The following RAI14 variants were observed in gnomAD, a reference collection of about 807,000 sequenced individuals.
RAI14 encodes ankycorbin.
Under a neutral mutation model 115.4 loss-of-function variants are expected in RAI14, and 45 were observed. The observed-to-expected ratio is 0.39, with a 90% confidence interval of 0.31 to 0.50. The LOEUF is 0.50. RAI14 is among the 20% of genes least tolerant of loss of function. The pLI is 0.85. For synonymous variants in RAI14, 371 were observed against 415.4 expected (o/e 0.89, Z 1.30); for missense variants, 939 against 1,131.2 (o/e 0.83, Z 2.44).
Position 34,755,154 on chromosome 5 carries a change from T to TGCACTG in RAI14, c.37-2314_37-2313insGCACTG, listed in dbSNP as rs879340812. ...TAAGCTGCACTGTGTTTCTTGGGGC[T>TGCACTG]TGATCATTTGCTGTAGTTGTTTGTA... is the stretch of plus-strand genomic sequence containing the variant. On this transcript the variant is annotated intron_variant, in intron 2 of 17. Coordinates refer to ENST00000265109, the MANE Select transcript of RAI14 (RefSeq NM_015577.3). 6.3e-3 allele frequency among the ~76,000 whole-genome samples: 961 copies of TGCACTG among 152,310 alleles called. 5 individuals are homozygous for TGCACTG. The highest frequency in any genetic ancestry group is 0.01 in the Non-Finnish European group (702 of 68,006).
At chr5:34,782,740 A>G (rs1234272499) in intron 3 of RAI14, among the ~76,000 whole-genome samples, 1 of 152,180 alleles carries the variant, frequency 6.6e-6, no homozygotes, top group African/African-American at 2.4e-5. Flanking sequence ...AACTTTTGCC[A>G]TATTCCTTAT....
At chr5:34,658,941 A>G (rs1281365300) in intron 1 of RAI14, 1 of 152,138 alleles carries the variant, frequency 6.6e-6, no homozygotes, top group Non-Finnish European at 1.5e-5. Context: ...CCCCGGAAAA[A>G]TAAACTATAA....
intron 3 of RAI14, among the ~76,000 whole-genome samples, chr5:34,786,267 T>C (rs1163029154): frequency 6.6e-6 from 1 of 152,212 alleles, no homozygotes; most frequent in East Asian, 1.9e-4. Flanking sequence ...TAAATCACCC[T>C]CTTGTCTAGC....
intron 3 of RAI14, among the ~76,000 whole-genome samples, chr5:34,788,022 TC>T (rs1334848881): frequency 6.8e-6 from 1 of 148,132 alleles, no homozygotes; most frequent in Non-Finnish European, 1.5e-5. Flanking sequence ...GCTCATGCTA[TC>T]CTTCCGCCTT....
intron 2 of RAI14, among the ~76,000 whole-genome samples, chr5:34,749,623 A>G (rs1226264923): frequency 6.6e-6 from 1 of 152,226 alleles, no homozygotes; most frequent in Non-Finnish European, 1.5e-5. Context: ...TAAGTAAGTC[A>G]GTGTCATTTG....
intron 2 of RAI14, among the ~76,000 whole-genome samples, chr5:34,746,091 T>TCCC (rs368622381): frequency 8.1e-5 from 4 of 49,302 alleles, no homozygotes; most frequent in Non-Finnish European, 1.1e-4. Context: ...CACCACCCCC[T>TCCC]CCCCCCCCCG....
intron 2 of RAI14, among the ~76,000 whole-genome samples, chr5:34,721,291 GTATATATATATATATATATATATA>G (rs10538679): frequency 5.3e-5 from 7 of 131,172 alleles, no homozygotes; most frequent in Admixed American, 1.6e-4. Flanking sequence ...ATGTAGATGT[GTATATATATATATATATATATATA>G]TATATATATA....
chr5:34,814,280 A>G (rs1232611059), intron 11 of RAI14, among the ~76,000 whole-genome samples: 1 of 152,226 alleles, frequency 6.6e-6, no homozygotes, highest in South Asian at 2.1e-4. Context: ...AGCTCATCTC[A>G]TAAGTATTTT....
At chr5:34,735,661 A>G (rs183628381) in intron 2 of RAI14, among the ~76,000 whole-genome samples, 1 of 152,364 alleles carries the variant, frequency 6.6e-6, no homozygotes, top group African/African-American at 2.4e-5. Flanking sequence ...TCTAACTTGT[A>G]TAAAGAAATT....
At chr5:34,698,432 C>T (rs137947258) in intron 2 of RAI14, among the ~76,000 whole-genome samples, 4 of 151,910 alleles carry the variant, frequency 2.6e-5, no homozygotes, top group East Asian at 2.0e-4. Context: ...GGTCTCAAAA[C>T]GTCCCATCTA....
intron 2 of RAI14, among the ~76,000 whole-genome samples, chr5:34,732,062 T>G (rs1744255608): frequency 6.6e-6 from 1 of 151,878 alleles, no homozygotes; most frequent in Admixed American, 6.6e-5. Flanking sequence ...GAAATGGGAG[T>G]GGCCCCTGGA....
chr5:34,686,839 A>G, intron 1 of RAI14, 33 bp from the exon 2 acceptor site: 1 of 1,416,106 alleles, frequency 7.1e-7, no homozygotes, highest in Non-Finnish European at 9.9e-7. Flanking sequence ...CCTTATTTGG[A>G]AACCTACATA....
rs199801011 is a variant in RAI14 at position 34,752,701 on chromosome 5, ATATGTGTGTGTGTGTGTGTGTGTGTG to A, written c.37-4765_37-4740del. 6.1e-3 allele frequency among the ~76,000 whole-genome samples: 549 copies of A among 89,752 alleles called. 24 individuals carry two copies. The highest frequency in any genetic ancestry group is 0.018 in the Middle Eastern group (3 of 166). 58.9% of individuals were successfully genotyped at this position (89,752 alleles called of 152,430 possible). ...TAAGAAATATCTATATTTCTTACAT[ATATGTGTGTGTGTGTGTGTGTGTGTG>A]TGTGTGTGTGTGTGTGTGTGTGTAT... On this transcript the variant is annotated intron_variant, in intron 2 of 17. Transcript: ENST00000265109.
At chr5:34,788,419 C>T (rs1016441557) in intron 3 of RAI14, among the ~76,000 whole-genome samples, 4 of 152,078 alleles carry the variant, frequency 2.6e-5, no homozygotes, top group Admixed American at 6.5e-5. Context: ...CAAAAGTACG[C>T]CCAGTTGAAA....
At position 34,799,813 on chromosome 5, in the gene RAI14, G is replaced by A. The variant is rs552703744; in HGVS notation, c.256+3786G>A. Among the ~76,000 whole-genome samples, 608 of 148,940 alleles carry A rather than the reference G, an allele frequency of 4.1e-3. 5 individuals are homozygous for A. The highest frequency in any genetic ancestry group is 6.6e-3 in the Non-Finnish European group (443 of 67,518). Reference sequence around the variant, plus strand: ...CGCCATTCTGCTGCCTCAGCCTCCTGAGTAGCTAGGACTACAGGCGCCCGC... The same window carrying A: ...CGCCATTCTGCTGCCTCAGCCTCCTAAGTAGCTAGGACTACAGGCGCCCGC... On this transcript the variant is annotated intron_variant, in intron 4 of 17. Coordinates refer to ENST00000265109, the MANE Select transcript of RAI14 (RefSeq NM_015577.3).
chr5:34,797,001 G>C (rs1461009046), intron 4 of RAI14, among the ~76,000 whole-genome samples: 1 of 152,176 alleles, frequency 6.6e-6, no homozygotes, highest in East Asian at 1.9e-4. Flanking sequence ...GGCAAATGGA[G>C]AGAAAAGGTA....
Position 34,826,392 on chromosome 5 carries a change from C to G in RAI14, c.2712C>G (p.Leu904=). The change falls in exon 16 of 18, where the codon CTC becomes CTG. Residue 904 remains leucine (L), a synonymous_variant. Coordinates refer to ENST00000265109, the MANE Select transcript of RAI14 (RefSeq NM_015577.3). The part of the protein sequence containing the change: ...LKEALNSLSQ[L]SYSTSSSKRQ... ...AGGCCTTGAACAGCCTCTCCCAGCTCTCCTACTCAACAAGCTCATCCAAAA... is the reference window on the plus strand; with the variant it reads ...AGGCCTTGAACAGCCTCTCCCAGCTGTCCTACTCAACAAGCTCATCCAAAA... 2 of 1,614,126 alleles carry G rather than the reference C, an allele frequency of 1.2e-6. No individual in the cohort carries two copies. Among genetic ancestry groups the G allele is most frequent in the Non-Finnish European group, 1.7e-6 (2 of 1,180,008 alleles).
intron 12 of RAI14, among the ~76,000 whole-genome samples, chr5:34,817,932 A>C (rs901048333): frequency 2.0e-5 from 3 of 152,236 alleles, no homozygotes; most frequent in Non-Finnish European, 4.4e-5. Context: ...AAACTCTTCA[A>C]ATTGTAAACT....
chr5:34,744,131 T>G (rs1310471768), intron 2 of RAI14, among the ~76,000 whole-genome samples: 1 of 152,228 alleles, frequency 6.6e-6, no homozygotes, highest in Non-Finnish European at 1.5e-5. Flanking sequence ...CAGGAATACT[T>G]TTGGAGTGTC....
Sources: gnomAD v4.1 joint callset for allele counts (sites outside exome capture counted in the v4.1 genomes callset) on GRCh38, gnomAD v4.1.1 for gene constraint, MANE v1.5 for transcripts, NCBI Gene and HGNC (gene_info 2026-07-23, HGNC 2026-07-21) for gene names.